SNX29: variants seen among roughly 807,000 people sequenced by gnomAD.
The protein encoded by SNX29 is sorting nexin-29.
In SNX29, 78 loss-of-function variants were observed where a neutral mutation model predicts 102.1. That is an observed-to-expected ratio of 0.76 (90% CI 0.64 to 0.92). The LOEUF (loss-of-function observed/expected upper bound fraction) is 0.92. SNX29 is among the 40% of genes least tolerant of loss of function. SNX29 has a pLI of 0.00. For missense variants in SNX29, 1,280 were observed against 1,061.7 expected (o/e 1.21, Z -2.86); for synonymous variants, 580 against 414.5 (o/e 1.40, Z -4.85).
intron 20 of SNX29, among the ~76,000 whole-genome samples, chr16:12,538,573 C>T (rs967170663): frequency 6.6e-6 from 1 of 152,162 alleles, no homozygotes; most frequent in African/African-American, 2.4e-5. Flanking sequence ...CTTAGCTGAG[C>T]TGGCTTCTGT....
intron 20 of SNX29, among the ~76,000 whole-genome samples, chr16:12,541,865 C>A (rs796578229): frequency 6.6e-6 from 1 of 152,156 alleles, no homozygotes; most frequent in African/African-American, 2.4e-5. Context: ...GCCTGGAAAC[C>A]AGTCAATGCT....
chr16:12,070,142 G>A (rs1487026190), intron 10 of SNX29, among the ~76,000 whole-genome samples: 1 of 152,040 alleles, frequency 6.6e-6, no homozygotes, highest in Admixed American at 6.6e-5. Flanking sequence ...TTCAAATAAA[G>A]TATCTCAAGG....
At chr16:12,135,957 C>T (rs1281260655) in intron 13 of SNX29, among the ~76,000 whole-genome samples, 1 of 152,092 alleles carries the variant, frequency 6.6e-6, no homozygotes, top group Admixed American at 6.5e-5. Context: ...CCTTGGACTG[C>T]TTCTCAGAGC....
At chr16:12,126,032 T>G (rs1353449643) in intron 11 of SNX29, among the ~76,000 whole-genome samples, 1 of 152,126 alleles carries the variant, frequency 6.6e-6, no homozygotes, top group Non-Finnish European at 1.5e-5. Flanking sequence ...AATTCTACTA[T>G]CTAGTCTGCT....
At chr16:12,063,208 C>A (rs1041536702) in intron 9 of SNX29, among the ~76,000 whole-genome samples, 3 of 151,952 alleles carry the variant, frequency 2.0e-5, no homozygotes, top group African/African-American at 7.3e-5. Context: ...GCCAAGGCCC[C>A]TGGTGAGAGC....
At position 12,221,380 on chromosome 16, in the gene SNX29, C is replaced by T. The variant is rs191357311; in HGVS notation, c.1678+21697C>T. Among the ~76,000 whole-genome samples the T allele has an allele frequency of 2.3e-3, 348 of 152,226 alleles. 2 individuals are homozygous for T. The highest frequency in any genetic ancestry group is 7.1e-3 in the African/African-American group (295 of 41,542). On this transcript the variant is annotated intron_variant, in intron 14 of 20. Coordinates refer to ENST00000566228, the MANE Select transcript of SNX29 (RefSeq NM_032167.5). The stretch of plus-strand genomic sequence containing the variant: ...CCGTAATCCCAGCACTTCGGGAGGC[C>T]GAGGTGGGTGGATTACCTGAGGTCA...
intron 13 of SNX29, among the ~76,000 whole-genome samples, chr16:12,174,180 C>T (rs538260619): frequency 1.3e-5 from 2 of 152,296 alleles, no homozygotes; most frequent in East Asian, 3.9e-4. Context: ...CTCTAGAGGG[C>T]AGATAGATGC....
intron 20 of SNX29, among the ~76,000 whole-genome samples, chr16:12,541,672 C>T (rs8057439): frequency 1.3e-5 from 2 of 152,192 alleles, no homozygotes; most frequent in African/African-American, 4.8e-5. Flanking sequence ...GCCGTGCTGA[C>T]ACCCGTTTAC....
chr16:12,559,313 T>C lies in SNX29; in HGVS notation c.2319-9193T>C, dbSNP rs115430806. Among the ~76,000 whole-genome samples, 95 of 151,970 alleles carry C rather than the reference T, an allele frequency of 6.3e-4. 1 individual carries two copies. Among genetic ancestry groups the C allele is most frequent in the African/African-American group, 2.1e-3 (89 of 41,422 alleles). On this transcript the variant is annotated intron_variant, in intron 20 of 20. Transcript: ENST00000566228. ...TCTGAAAGGCATGCAAACCCTATTGTGAACTGCCCATGTGAGGGATCTAGG... is the reference window on the plus strand; with the variant it reads ...TCTGAAAGGCATGCAAACCCTATTGCGAACTGCCCATGTGAGGGATCTAGG...
At chr16:12,303,610 G>C (rs953409140) in intron 15 of SNX29, among the ~76,000 whole-genome samples, 3 of 152,206 alleles carry the variant, frequency 2.0e-5, no homozygotes, top group African/African-American at 7.2e-5. Context: ...AATTAGGGTT[G>C]TGATCATGGG....
intron 19 of SNX29, among the ~76,000 whole-genome samples, chr16:12,519,261 AT>A (rs1323188988): frequency 6.6e-6 from 1 of 152,214 alleles, no homozygotes; most frequent in African/African-American, 2.4e-5. Flanking sequence ...TGTGGTGAAA[AT>A]GGTGGCACCA....
chr16:12,568,653 G>GCCCT lies in SNX29; in HGVS notation c.*25_*28dup. On this transcript the variant is annotated 3_prime_UTR_variant, in exon 21 of 21. Transcript: ENST00000566228. ...GACCTCGACAAAACCGCAGCCACGG[G>GCCCT]CCCTGTGCGTGGCACCAGCTGCGTC... 6.3e-7 allele frequency: 1 copy of GCCCT among 1,598,804 alleles called. No homozygotes were observed. Among genetic ancestry groups the GCCCT allele is most frequent in the Non-Finnish European group, 8.5e-7 (1 of 1,179,038 alleles).
intron 20 of SNX29, among the ~76,000 whole-genome samples, chr16:12,553,358 A>T (rs1285823805): frequency 6.6e-6 from 1 of 152,210 alleles, no homozygotes; most frequent in Non-Finnish European, 1.5e-5. Flanking sequence ...TCGTCTTCTC[A>T]GAGCTTGCCA....
intron 17 of SNX29, among the ~76,000 whole-genome samples, chr16:12,401,078 ACCTC>A (rs2083921864): frequency 7.2e-5 from 11 of 151,944 alleles, no homozygotes; most frequent in Admixed American, 7.2e-4. Flanking sequence ...TGATCCGCCT[ACCTC>A]GGCCTCCCAA....
At chr16:12,559,071 GCT>G in intron 20 of SNX29, among the ~76,000 whole-genome samples, 1 of 152,248 alleles carries the variant, frequency 6.6e-6, no homozygotes, top group Middle Eastern at 3.4e-3. Flanking sequence ...GAGGTCTACC[GCT>G]GTGTCCCCGT....
chr16:12,164,782 G>T (rs1198326009), intron 13 of SNX29, among the ~76,000 whole-genome samples: 1 of 149,998 alleles, frequency 6.7e-6, no homozygotes, highest in Admixed American at 6.7e-5. Flanking sequence ...CCGCCTCCCG[G>T]GTTCAAGCAG....
intron 19 of SNX29, among the ~76,000 whole-genome samples, chr16:12,489,003 C>T (rs775533899): frequency 1.3e-5 from 2 of 152,118 alleles, no homozygotes; most frequent in Admixed American, 6.6e-5. Context: ...TGTGAGTTTC[C>T]TTGTATATCC....
At chr16:12,554,290 C>A (rs1353865265) in intron 20 of SNX29, among the ~76,000 whole-genome samples, 1 of 152,198 alleles carries the variant, frequency 6.6e-6, no homozygotes, top group African/African-American at 2.4e-5. Context: ...TGGGTGCTTG[C>A]TTCATATGAG....
At chr16:12,517,348 TCTC>T (rs2089911018) in intron 19 of SNX29, among the ~76,000 whole-genome samples, 1 of 152,176 alleles carries the variant, frequency 6.6e-6, no homozygotes, top group Non-Finnish European at 1.5e-5. Context: ...GGATGCCCTG[TCTC>T]CTCCTGGGAG....
Sources: gnomAD v4.1 joint callset for allele counts (sites outside exome capture counted in the v4.1 genomes callset) on GRCh38, gnomAD v4.1.1 for gene constraint, MANE v1.5 for transcripts, NCBI Gene and HGNC (gene_info 2026-07-23, HGNC 2026-07-21) for gene names.